EML5: variants seen among roughly 807,000 people sequenced by gnomAD.
EML5 encodes echinoderm microtubule-associated protein-like 5.
EML5 carries 120 observed loss-of-function variants against 250.0 expected under a neutral mutation model. The ratio of observed to expected loss-of-function variants is 0.48; its 90% CI spans 0.41 to 0.56. The LOEUF is 0.56. EML5 is among the 20% of genes least tolerant of loss of function. The pLI is 0.00. For synonymous variants in EML5, 771 were observed against 806.5 expected (o/e 0.96, Z 0.75); for missense variants, 2,006 against 2,437.6 (o/e 0.82, Z 3.73).
chr14:88,791,649 T>C (rs1305736994), intron 1 of EML5, among the ~76,000 whole-genome samples: 1 of 152,232 alleles, frequency 6.6e-6, no homozygotes, highest in Admixed American at 6.5e-5. Context: ...AGTATTTTAA[T>C]GAAGATGAAG....
intron 17 of EML5, among the ~76,000 whole-genome samples, chr14:88,688,783 A>G (rs2092895711): frequency 6.6e-6 from 1 of 152,072 alleles, no homozygotes; most frequent in South Asian, 2.1e-4. Context: ...GCATTTAAAA[A>G]CCCCAATACA....
chr14:88,739,533 G>C (rs1408608814), intron 5 of EML5, among the ~76,000 whole-genome samples: 1 of 151,908 alleles, frequency 6.6e-6, no homozygotes, highest in Non-Finnish European at 1.5e-5. Context: ...AATTATACAT[G>C]AACTTAAAAA....
At position 88,620,684 on chromosome 14, in the gene EML5, T is replaced by A; in HGVS notation, c.5375+70A>T. ...GGGGACCTCTTTTTGAAGGCAAGGCTATGGAAAATTTTACAAATGGAAGTT... is the reference window on the plus strand; with the variant it reads ...GGGGACCTCTTTTTGAAGGCAAGGCAATGGAAAATTTTACAAATGGAAGTT... On this transcript the variant is annotated intron_variant, in intron 39 of 43. Coordinates refer to ENST00000554922, the MANE Select transcript of EML5 (RefSeq NM_183387.3). The surrounding 1 kb of genome is among the most constrained non-coding windows in gnomAD (Gnocchi z 4.3). 1 of 1,346,686 alleles carries A rather than the reference T, an allele frequency of 7.4e-7. No homozygotes were observed. Among genetic ancestry groups the A allele is most frequent in the Non-Finnish European group, 9.7e-7 (1 of 1,030,206 alleles). The allele number at this position is 1,346,686 out of a possible 1,614,324, so 83.4% of individuals were successfully genotyped here.
rs1365907564 is a variant in EML5 at position 88,773,316 on chromosome 14, G to A, written c.198-18645C>T. Reference sequence around the variant, plus strand: ...CTGTCTTTCGGTGTTTTCAGCTCATGATGACACTGAACAGATCCACCAATA... The same window carrying A: ...CTGTCTTTCGGTGTTTTCAGCTCATAATGACACTGAACAGATCCACCAATA... On this transcript the variant is annotated intron_variant, in intron 1 of 43. Coordinates refer to ENST00000554922, the MANE Select transcript of EML5 (RefSeq NM_183387.3). 2.0e-5 allele frequency among the ~76,000 whole-genome samples: 3 copies of A among 152,370 alleles called. 1 individual carries two copies. The East Asian group carries it at 5.8e-4, about 29-fold the overall frequency.
intron 27 of EML5, among the ~76,000 whole-genome samples, chr14:88,652,894 G>A (rs903520529): frequency 2.0e-5 from 3 of 152,226 alleles, no homozygotes; most frequent in Middle Eastern, 3.4e-3. Flanking sequence ...TGGGCAGTAT[G>A]GCCATTTTCA....
rs200798066 is a variant in EML5 at position 88,729,564 on chromosome 14, TG to T, written c.1050-2887del. Among the ~76,000 whole-genome samples, 1,386 of 149,682 alleles carry T rather than the reference TG, an allele frequency of 9.3e-3. 25 individuals carry two copies. The highest frequency in any genetic ancestry group is 0.033 in the African/African-American group (1,308 of 40,114). On this transcript the variant is annotated intron_variant, in intron 7 of 43. Coordinates refer to ENST00000554922, the MANE Select transcript of EML5 (RefSeq NM_183387.3). ...ATAGGCATATACTTATTTGGTTTTT[TG>T]TTTTTTGTTTTTTTGAGACAGAGTC...
At chr14:88,777,336 G>A (rs1288017746) in intron 1 of EML5, among the ~76,000 whole-genome samples, 3 of 152,120 alleles carry the variant, frequency 2.0e-5, no homozygotes, top group Non-Finnish European at 4.4e-5. Context: ...AGTATATCCA[G>A]TGAAATTATC....
chr14:88,771,525 C>G (rs1250193156), intron 1 of EML5, among the ~76,000 whole-genome samples: 1 of 152,200 alleles, frequency 6.6e-6, no homozygotes, highest in Non-Finnish European at 1.5e-5. Flanking sequence ...CATTAAAAAA[C>G]AATTCCCTTG....
Position 88,715,115 on chromosome 14 carries a change from A to C in EML5, c.1268T>G (p.Leu423Arg). ...CGAGCTGTCATTGCATCCAACAGCA[A>C]GGTAAGTTCCATCTGGTGAATATTT... The part of the protein sequence containing the change: ...ELKYSPDGTY[L>R]AVGCNDSSVD... The change falls in exon 9 of 44, where the codon CTT becomes CGT. Residue 423 changes from leucine (L) to arginine (R), a missense_variant. Leu to Arg is a moderately radical substitution (Grantham distance 102, BLOSUM62 -2). This residue lies in a region of EML5 where 1,375 missense variants were observed against 1,590.3 expected (regional missense o/e 0.86). Transcript: ENST00000554922. The C allele has an allele frequency of 6.2e-7, 1 of 1,613,412 alleles. No individual in the cohort carries two copies. Among genetic ancestry groups the C allele is most frequent in the Non-Finnish European group, 8.5e-7 (1 of 1,179,580 alleles).
Position 88,695,372 on chromosome 14 carries a change from A to C in EML5, c.2427T>G (p.Leu809=). 1 of 1,609,572 alleles carries C rather than the reference A, an allele frequency of 6.2e-7. No homozygotes were observed. The highest frequency in any genetic ancestry group is 8.5e-7 in the Non-Finnish European group (1 of 1,178,164). Residue 809 remains leucine, a synonymous_variant, in exon 16 of 44, where the codon CTT becomes CTG. Transcript: ENST00000554922. ...AGTTTTTTTCCTACCTTGCTATTGA[A>C]AGTTTCTCTCCTTTCTTCCAGTCCC... The part of the protein sequence containing the change: ...VLWDWKKGEK[L]SIARGSKDKI...
chr14:88,775,292 T>C (rs2094436245), intron 1 of EML5, among the ~76,000 whole-genome samples: 1 of 151,824 alleles, frequency 6.6e-6, no homozygotes, highest in African/African-American at 2.4e-5. Context: ...TAGGGGTGGG[T>C]AGATCACCAA....
Position 88,792,354 on chromosome 14 carries a change from C to T in EML5, c.150G>A (p.Arg50=), listed in dbSNP as rs1240639648. ...CCCGGTAGAACTTCTGCCTGTGCTC[C>T]CGCGGGCTGTACACCACGCCGACCC... ...VAGVGVVYSP[R]EHRQKFYRGH... The change falls in exon 1 of 44, where the codon CGG becomes CGA. Residue 50 remains arginine, a synonymous_variant. Transcript: ENST00000554922. The surrounding 1 kb of genome is among the most constrained non-coding windows in gnomAD (Gnocchi z 6.9). 6.4e-7 allele frequency: 1 copy of T among 1,568,362 alleles called. No individual in the cohort carries two copies. Among genetic ancestry groups the T allele is most frequent in the South Asian group, 1.2e-5 (1 of 85,398 alleles).
At chr14:88,753,186 A>G (rs1255083946) in intron 2 of EML5, among the ~76,000 whole-genome samples, 1 of 152,144 alleles carries the variant, frequency 6.6e-6, no homozygotes, top group East Asian at 1.9e-4. Context: ...GCCAGCACCC[A>G]AAGGCACTCA....
At chr14:88,780,191 G>C (rs1189916833) in intron 1 of EML5, among the ~76,000 whole-genome samples, 2 of 152,044 alleles carry the variant, frequency 1.3e-5, no homozygotes, top group Non-Finnish European at 1.5e-5. Flanking sequence ...ACCTCTAAGT[G>C]ATCCACCTGC....
intron 30 of EML5, 94 bp downstream of exon 30, chr14:88,644,339 T>C (rs559412478): frequency 3.4e-6 from 4 of 1,161,106 alleles, no homozygotes; most frequent in African/African-American, 3.1e-5. Flanking sequence ...TCAAATACAC[T>C]GATTTTCATG....
intron 17 of EML5, among the ~76,000 whole-genome samples, chr14:88,689,271 A>G (rs1272973781): frequency 2.0e-5 from 3 of 152,216 alleles, no homozygotes; most frequent in African/African-American, 4.8e-5. Flanking sequence ...CAAAAGGCAT[A>G]TCATATAGAT....
chr14:88,792,352 T>G lies in EML5; in HGVS notation c.152A>C (p.Glu51Ala). The change falls in exon 1 of 44, where the codon GAG becomes GCG. Residue 51 changes from glutamate (E) to alanine (A), a missense_variant. Glu to Ala is a moderately radical substitution (Grantham distance 107). Coordinates refer to ENST00000554922, the MANE Select transcript of EML5 (RefSeq NM_183387.3). The surrounding 1 kb of genome is among the most constrained non-coding windows in gnomAD (Gnocchi z 6.9). ...AGVGVVYSPR[E>A]HRQKFYRGHS... ...GCCCCGGTAGAACTTCTGCCTGTGCTCCCGCGGGCTGTACACCACGCCGAC... is the reference window on the plus strand; with the variant it reads ...GCCCCGGTAGAACTTCTGCCTGTGCGCCCGCGGGCTGTACACCACGCCGAC... The G allele has an allele frequency of 6.4e-7, 1 of 1,566,642 alleles. No homozygotes were observed. Among genetic ancestry groups the G allele is most frequent in the African/African-American group, 1.4e-5 (1 of 73,468 alleles).
At position 88,613,902 on chromosome 14, in the gene EML5, A is replaced by AC. The variant is rs1167077827; in HGVS notation, c.*1915dup. ...CACCTTCCCCTCGTTGCTGGCTGAT[A>AC]CAGCGAGGTGGTCAGCTGATGACTA... On this transcript the variant is annotated 3_prime_UTR_variant, in exon 44 of 44. Transcript: ENST00000554922. The AC allele has an allele frequency of 6.6e-6, 1 of 152,234 alleles. No homozygotes were observed. Among genetic ancestry groups the AC allele is most frequent in the Non-Finnish European group, 1.5e-5 (1 of 68,042 alleles). 9.4% of individuals were successfully genotyped at this position (152,234 alleles called of 1,614,324 possible). A position where few individuals can be genotyped will look rare whatever the true frequency, so the allele number is the denominator to read the frequency against.
chr14:88,725,805 T>C (rs181470734), intron 8 of EML5, among the ~76,000 whole-genome samples: 4 of 151,956 alleles, frequency 2.6e-5, no homozygotes, highest in African/African-American at 9.7e-5. Flanking sequence ...AGTACAATGG[T>C]GAGAATAGAA....
Sources: gnomAD v4.1 joint callset for allele counts (sites outside exome capture counted in the v4.1 genomes callset) on GRCh38, gnomAD v4.1.1 for gene constraint, gnomAD v4.1.1 regional missense constraint, Gnocchi (gnomAD v3.1) non-coding constraint, MANE v1.5 for transcripts, NCBI Gene and HGNC (gene_info 2026-07-23, HGNC 2026-07-21) for gene names.